PCDH15: variants seen among roughly 807,000 people sequenced by gnomAD.
PCDH15 encodes the protein protocadherin related 15, also known as protocadherin-15.
A neutral mutation model predicts 178.5 loss-of-function variants in PCDH15; 129 were observed. The ratio of observed to expected loss-of-function variants is 0.72; its 90% CI spans 0.63 to 0.84. The LOEUF (loss-of-function observed/expected upper bound fraction) is 0.84. Among genes scored for constraint, PCDH15 ranks in the 40% least tolerant of loss-of-function variants. The pLI is 0.00. For missense variants in PCDH15, 2,230 were observed against 2,099.9 expected (o/e 1.06, Z -1.21); for synonymous variants, 800 against 732.0 (o/e 1.09, Z -1.50).
chr10:53,809,450 C>A (rs1443959757), intron 37 of PCDH15: 1 of 1,613,972 alleles, frequency 6.2e-7, no homozygotes, highest in Non-Finnish European at 8.5e-7. Context: ...TATGTAGGCT[C>A]AGCTGCTGGT....
intron 1 of PCDH15, among the ~76,000 whole-genome samples, chr10:55,301,849 T>C (rs1027132015): frequency 6.6e-6 from 1 of 152,178 alleles, no homozygotes; most frequent in African/African-American, 2.4e-5. Flanking sequence ...AAAGGCTATC[T>C]TTCCTACATT....
intron 3 of PCDH15, among the ~76,000 whole-genome samples, chr10:54,847,882 G>A (rs966174222): frequency 1.3e-5 from 2 of 152,230 alleles, no homozygotes; most frequent in African/African-American, 4.8e-5. Context: ...GCTAACCCAT[G>A]GCAGGCACAG....
chr10:54,086,217 C>A (rs2094514388), intron 16 of PCDH15, among the ~76,000 whole-genome samples: 1 of 152,078 alleles, frequency 6.6e-6, no homozygotes, highest in Non-Finnish European at 1.5e-5. Context: ...TGAAGGGGTG[C>A]TGGTGTGTGC....
At chr10:54,009,927 G>C (rs1416018922) in intron 20 of PCDH15, among the ~76,000 whole-genome samples, 3 of 152,194 alleles carry the variant, frequency 2.0e-5, no homozygotes, top group East Asian at 3.9e-4. Flanking sequence ...TCTGGCACCA[G>C]TGGCTGTAGC....
intron 2 of PCDH15, among the ~76,000 whole-genome samples, chr10:55,428,730 T>C (rs1838815610): frequency 2.6e-5 from 4 of 151,952 alleles, no homozygotes; most frequent in Admixed American, 1.3e-4. Flanking sequence ...TGATTATTAA[T>C]AGGTTTAAGT....
chr10:53,881,547 A>C (rs1001656970), intron 26 of PCDH15, among the ~76,000 whole-genome samples: 1 of 152,252 alleles, frequency 6.6e-6, no homozygotes, highest in Non-Finnish European at 1.5e-5. Context: ...TAGAGCAAAG[A>C]GAAAAACTGA....
At chr10:55,418,277 C>T (rs1838533575) in intron 2 of PCDH15, among the ~76,000 whole-genome samples, 1 of 151,670 alleles carries the variant, frequency 6.6e-6, no homozygotes, top group African/African-American at 2.4e-5. Flanking sequence ...CTGTTAACAA[C>T]ATTAGAAATA....
intron 8 of PCDH15, among the ~76,000 whole-genome samples, chr10:54,310,712 A>G (rs1477767017): frequency 4.6e-5 from 7 of 152,098 alleles, no homozygotes; most frequent in Non-Finnish European, 8.8e-5. Flanking sequence ...AGAACTCTAT[A>G]TAGGTTTGCT....
intron 3 of PCDH15, among the ~76,000 whole-genome samples, chr10:54,381,187 A>G (rs767323296): frequency 6.6e-6 from 1 of 152,010 alleles, no homozygotes; most frequent in African/African-American, 2.4e-5. Context: ...CATATTTTTT[A>G]AAAATTAACC....
intron 26 of PCDH15, among the ~76,000 whole-genome samples, chr10:53,890,304 G>C (rs1238364261): frequency 1.3e-5 from 2 of 152,156 alleles, no homozygotes; most frequent in African/African-American, 4.8e-5. Context: ...GCACATGCCT[G>C]TAGTCCCAGC....
In PCDH15 at chr10:55,229,540, A is replaced by G. The variant is rs1841151745; in HGVS notation, c.-155-62889T>C. Among the ~76,000 whole-genome samples the G allele has an allele frequency of 2.0e-5, 3 of 152,066 alleles. No homozygotes were observed. The South Asian group carries it at 6.2e-4, about 31-fold the overall frequency. On this transcript the variant is annotated intron_variant, in intron 1 of 5. Transcript: ENST00000458638. ...TATGTGAAATTAACTCAAGCCACCT[A>G]CTGTATTGACTTTATTGATGGTAAT...
intron 2 of PCDH15, among the ~76,000 whole-genome samples, chr10:54,922,351 C>T (rs1294528921): frequency 6.6e-6 from 1 of 152,100 alleles, no homozygotes; most frequent in Non-Finnish European, 1.5e-5. Context: ...TGGGTAAATG[C>T]TCCTATTCCA....
intron 2 of PCDH15, among the ~76,000 whole-genome samples, chr10:55,025,875 G>A (rs1840464144): frequency 2.0e-5 from 3 of 151,854 alleles, no homozygotes; most frequent in East Asian, 1.9e-4. Context: ...AAGTGTAAGG[G>A]GACTTTAGAG....
intron 26 of PCDH15, among the ~76,000 whole-genome samples, chr10:53,891,981 CAA>C (rs2081588015): frequency 7.1e-6 from 1 of 140,884 alleles, no homozygotes; most frequent in Non-Finnish European, 1.5e-5. Context: ...AACAAACAAA[CAA>C]AAAAGTTTCC....
At chr10:54,423,311 T>A (rs1057470703) in intron 3 of PCDH15, among the ~76,000 whole-genome samples, 2 of 150,594 alleles carry the variant, frequency 1.3e-5, no homozygotes, top group African/African-American at 5.0e-5. Context: ...TGGCACAGTT[T>A]AATACTTACT....
intron 2 of PCDH15, among the ~76,000 whole-genome samples, chr10:55,384,932 A>G (rs1247844413): frequency 2.6e-5 from 4 of 152,112 alleles, no homozygotes; most frequent in Admixed American, 1.3e-4. Flanking sequence ...CACATTAGGA[A>G]TTTTCTAGCT....
At position 55,230,744 on chromosome 10, in the gene PCDH15, G is replaced by T. The variant is rs546994185; in HGVS notation, c.-155-64093C>A. Among the ~76,000 whole-genome samples, 213 of 152,124 alleles carry T rather than the reference G, an allele frequency of 1.4e-3. 1 individual carries two copies. Among genetic ancestry groups the T allele is most frequent in the Non-Finnish European group, 2.0e-3 (138 of 67,948 alleles). ...AAGTAGAAAATTTTATGCTCGATTT[G>T]TTGGTGGCTGGAAGTAACTGTAATA... On this transcript the variant is annotated intron_variant, in intron 1 of 5. Coordinates refer to the PCDH15 transcript ENST00000458638.
At chr10:54,883,608 T>C (rs4935566) in intron 3 of PCDH15, among the ~76,000 whole-genome samples, 147,595 of 151,954 alleles carry the variant, frequency 0.97, 71,819 homozygotes, top group East Asian at 1. Flanking sequence ...AAAATACTTC[T>C]AGGTAAAAGG....
At chr10:55,571,178 T>C (rs1269314636) in intron 2 of PCDH15, among the ~76,000 whole-genome samples, 1 of 152,002 alleles carries the variant, frequency 6.6e-6, no homozygotes, top group East Asian at 1.9e-4. Context: ...ACTTCACCAC[T>C]CACTCTCTTG....
Sources: gnomAD v4.1 joint callset for allele counts (sites outside exome capture counted in the v4.1 genomes callset) on GRCh38, gnomAD v4.1.1 for gene constraint, MANE v1.5 for transcripts, NCBI Gene and HGNC (gene_info 2026-07-23, HGNC 2026-07-21) for gene names.